RASA3: variants seen among roughly 807,000 people sequenced by gnomAD.
RASA3 encodes RAS p21 protein activator 3, also known as ras GTPase-activating protein 3.
RASA3 carries 73 observed loss-of-function variants against 110.0 expected under a neutral mutation model. The observed-to-expected ratio is 0.66, with a 90% CI of 0.55 to 0.81. The LOEUF (loss-of-function observed/expected upper bound fraction) is 0.81, where lower values mean the gene tolerates loss of function less well. RASA3 is among the 30% of genes least tolerant of loss of function. The pLI is 0.00. For synonymous variants in RASA3, 500 were observed against 451.4 expected (o/e 1.11, Z -1.37); for missense variants, 976 against 1,113.2 (o/e 0.88, Z 1.75).
At chr13:114,118,580 T>C (rs1295387412) in intron 1 of RASA3, among the ~76,000 whole-genome samples, 1 of 152,232 alleles carries the variant, frequency 6.6e-6, no homozygotes, top group Non-Finnish European at 1.5e-5. Flanking sequence ...TCTGATTAGA[T>C]GCATAGAAAT....
At chr13:114,116,990 ATGCACATGTGTGAGGGG>A (rs2080288799) in intron 1 of RASA3, among the ~76,000 whole-genome samples, 2 of 20,342 alleles carry the variant, frequency 9.8e-5, no homozygotes, top group African/African-American at 3.8e-4. Context: ...TGTGTGAGGG[ATGCACATGTGTGAGGGG>A]TGCACGTGTG....
intron 21 of RASA3, among the ~76,000 whole-genome samples, chr13:113,995,754 GAC>G: frequency 2.3e-5 from 1 of 43,992 alleles, no homozygotes; most frequent in Non-Finnish European, 4.0e-5. Flanking sequence ...GGGCCCGGCT[GAC>G]GGGGGCCCGG....
At position 114,016,149 on chromosome 13, in the gene RASA3, A is replaced by G; in HGVS notation, c.1281+48T>C. 3.3e-6 allele frequency: 5 copies of G among 1,504,720 alleles called. No homozygotes were observed. In the South Asian group the frequency reaches 5.6e-5, roughly 17 times the overall value. The allele number at this position is 1,504,720 out of a possible 1,614,324, so 93.2% of individuals were successfully genotyped here. A position where few individuals can be genotyped will look rare whatever the true frequency, so the allele number is the denominator to read the frequency against. On this transcript the variant is annotated intron_variant, in intron 13 of 23. Coordinates refer to ENST00000334062, the MANE Select transcript of RASA3 (RefSeq NM_007368.4). ...GCTTCCAGGCAGCCATCGGCTGAAA[A>G]ACCCCAAGCAGGTGACTGGCTTTGG...
intron 1 of RASA3, among the ~76,000 whole-genome samples, chr13:114,101,876 A>G (rs929770313): frequency 2.6e-5 from 4 of 152,134 alleles, no homozygotes; most frequent in African/African-American, 9.7e-5. Context: ...GTGGCACATC[A>G]TTCACCCTGG....
chr13:114,102,978 A>G (rs1016086110), intron 1 of RASA3, among the ~76,000 whole-genome samples: 2 of 151,858 alleles, frequency 1.3e-5, no homozygotes, highest in South Asian at 4.2e-4. Flanking sequence ...GAACCAAACC[A>G]CCCCTGCTGC....
intron 4 of RASA3, among the ~76,000 whole-genome samples, chr13:114,039,660 G>T (rs1288023564): frequency 6.6e-6 from 1 of 150,780 alleles, no homozygotes; most frequent in Non-Finnish European, 1.5e-5. Context: ...GCTGGTGCAG[G>T]CTTGGGCTCC....
chr13:114,055,257 T>C (rs1290013385), intron 2 of RASA3, among the ~76,000 whole-genome samples: 2 of 152,254 alleles, frequency 1.3e-5, no homozygotes, highest in African/African-American at 2.4e-5. Context: ...GCATGTGCCC[T>C]GGAGCACTTG....
At chr13:114,082,281 T>C (rs1015509960) in intron 1 of RASA3, among the ~76,000 whole-genome samples, 31 of 152,360 alleles carry the variant, frequency 2.0e-4, no homozygotes, top group African/African-American at 6.7e-4. Flanking sequence ...AGCTGCAGCG[T>C]CTGCAGGTGC....
intron 23 of RASA3, among the ~76,000 whole-genome samples, chr13:113,980,063 C>T (rs1017343241): frequency 1.0e-4 from 14 of 134,388 alleles, no homozygotes; most frequent in Non-Finnish European, 2.1e-4. Flanking sequence ...CTGTGTGCAC[C>T]TCCTCCCATG....
chr13:114,058,622 C>T (rs1222513417), intron 2 of RASA3, among the ~76,000 whole-genome samples: 1 of 152,252 alleles, frequency 6.6e-6, no homozygotes, highest in African/African-American at 2.4e-5. Flanking sequence ...ATGCCCAGAC[C>T]AGCAACCATG....
At chr13:113,993,653 C>T (rs2053168407) in intron 21 of RASA3, among the ~76,000 whole-genome samples, 1 of 150,762 alleles carries the variant, frequency 6.6e-6, no homozygotes, top group Non-Finnish European at 1.5e-5. Flanking sequence ...ATTAAAAATA[C>T]AAAAATTAGC....
intron 2 of RASA3, among the ~76,000 whole-genome samples, chr13:114,058,602 A>G (rs1010010081): frequency 6.6e-6 from 1 of 152,250 alleles, no homozygotes; most frequent in Non-Finnish European, 1.5e-5. Flanking sequence ...CTCTCAGAGC[A>G]ATGCCACTGA....
At chr13:114,100,063 C>T (rs1300123523) in intron 1 of RASA3, among the ~76,000 whole-genome samples, 2 of 150,484 alleles carry the variant, frequency 1.3e-5, no homozygotes, top group African/African-American at 2.5e-5. Flanking sequence ...TGCAAAGCGT[C>T]TGCTCTGGAA....
At chr13:114,120,576 T>TC (rs2080363605) in intron 1 of RASA3, among the ~76,000 whole-genome samples, 1 of 92,024 alleles carries the variant, frequency 1.1e-5, no homozygotes. Context: ...GGGCCCTCCC[T>TC]CCTCTCTCCA....
rs757464282 is a variant in RASA3, at chr13:114,015,291, G to A, written c.1323C>T (p.Ile441=). The change falls in exon 14 of 24, where the codon ATC becomes ATT. Residue 441 remains isoleucine, a synonymous_variant. Coordinates refer to ENST00000334062, the MANE Select transcript of RASA3 (RefSeq NM_007368.4). ...RQYVDRVFHA[I]TESGVSCPTV... is the part of the protein sequence containing the mutation. ...TCGGGCAGCTCACCCCAGACTCAGTGATGGCGTGGAAGACGCGGTCCACAT... is the reference window on the plus strand; with the variant it reads ...TCGGGCAGCTCACCCCAGACTCAGTAATGGCGTGGAAGACGCGGTCCACAT... The A allele has an allele frequency of 1.9e-6, 3 of 1,613,126 alleles. No homozygotes were observed. The highest frequency in any genetic ancestry group is 2.2e-5 in the East Asian group (1 of 44,884).
At chr13:114,027,308 G>T in intron 7 of RASA3, 81 bp downstream of exon 7, 1 of 1,192,878 alleles carries the variant, frequency 8.4e-7, no homozygotes, top group African/African-American at 1.5e-5. Context: ...AAGAGACTGA[G>T]ATCATTCTGG....
At chr13:114,030,661 CCTGT>C (rs982880532) in intron 4 of RASA3, among the ~76,000 whole-genome samples, 6 of 152,288 alleles carry the variant, frequency 3.9e-5, no homozygotes, top group African/African-American at 7.2e-5. Flanking sequence ...TGTCCATCCA[CCTGT>C]CTGTCTGTGT....
Position 114,011,072 on chromosome 13 carries a change from AC to A in RASA3, c.1590+98del, listed in dbSNP as rs2053628107. ...GGCTTTGATTCTTGATCTTTATCTT[AC>A]GACTCTCTCAAATGTGGGAGGTTTT... On this transcript the variant is annotated intron_variant, in intron 16 of 23. Transcript: ENST00000334062. This position sits in a 1 kb window ranked among gnomAD's most constrained non-coding sequence, Gnocchi z 4.8. 1.2e-5 allele frequency: 14 copies of A among 1,121,430 alleles called. 1 individual carries two copies. In the South Asian group the frequency reaches 1.6e-4, roughly 13 times the overall value. 69.5% of individuals were successfully genotyped at this position (1,121,430 alleles called of 1,614,324 possible). A position where few individuals can be genotyped will look rare whatever the true frequency, so the allele number is the denominator to read the frequency against.
intron 1 of RASA3, among the ~76,000 whole-genome samples, chr13:114,125,277 T>C (rs1270000879): frequency 2.6e-5 from 4 of 152,188 alleles, no homozygotes; most frequent in Non-Finnish European, 5.9e-5. Flanking sequence ...AAGAAACACC[T>C]GAGACTGGGT....
Sources: gnomAD v4.1 joint callset for allele counts (sites outside exome capture counted in the v4.1 genomes callset) on GRCh38, gnomAD v4.1.1 for gene constraint, Gnocchi (gnomAD v3.1) non-coding constraint, MANE v1.5 for transcripts, NCBI Gene and HGNC (gene_info 2026-07-23, HGNC 2026-07-21) for gene names.